Variants in CAVIN4 observed in about 807,000 individuals in gnomAD.
CAVIN4 encodes the protein caveolae associated protein 4.
A neutral mutation model predicts 18.6 loss-of-function variants in CAVIN4; 10 were observed. The observed-to-expected ratio is 0.54, with a 90% CI of 0.33 to 0.91. The LOEUF (loss-of-function observed/expected upper bound fraction) is 0.91. Among genes scored for constraint, CAVIN4 ranks in the 40% least tolerant of loss-of-function variants. CAVIN4 has a pLI of 0.02. For synonymous variants in CAVIN4, 173 were observed against 164.8 expected (o/e 1.05, Z -0.38); for missense variants, 459 against 440.5 (o/e 1.04, Z -0.38).
Position 100,578,602 on chromosome 9 carries a change from T to A in CAVIN4, c.408+51T>A, listed in dbSNP as rs750489361. On this transcript the variant is annotated intron_variant, in intron 1 of 1. Coordinates refer to ENST00000307584, the MANE Select transcript of CAVIN4 (RefSeq NM_001018116.2). ...GCTTGTTCTAATCTCTTGCATCTTTTAATTGCCAAAAGTCATATCAGAGGT... is the reference window on the plus strand; with the variant it reads ...GCTTGTTCTAATCTCTTGCATCTTTAAATTGCCAAAAGTCATATCAGAGGT... 7.6e-6 allele frequency: 12 copies of A among 1,575,276 alleles called. No homozygotes were observed. In the Admixed American group the frequency reaches 2.0e-4, roughly 26 times the overall value.
At chr9:100,582,684 C>G (rs1041400163) in intron 1 of CAVIN4, among the ~76,000 whole-genome samples, 2 of 152,214 alleles carry the variant, frequency 1.3e-5, no homozygotes, top group Non-Finnish European at 2.9e-5. Context: ...GGTTACTCCT[C>G]TCTTTGGGAG....
chr9:100,586,160 T>G lies in CAVIN4; in HGVS notation c.804T>G (p.Ala268=), dbSNP rs1270564036. 2 of 1,566,708 alleles carry G rather than the reference T, an allele frequency of 1.3e-6. No homozygotes were observed. ...CTAATGCAGCTCCCTCAAAGGAAGC[T>G]TTTAAGATGCGCAGCCTCAGGAAAG... ...SISNAAPSKE[A]FKMRSLRKGK... is the part of the protein sequence containing the mutation. The change falls in exon 2 of 2, where the codon GCT becomes GCG. Residue 268 remains alanine, a synonymous_variant. Transcript: ENST00000307584.
intron 1 of CAVIN4, among the ~76,000 whole-genome samples, chr9:100,583,893 C>T (rs1839452044): frequency 6.6e-6 from 1 of 152,208 alleles, no homozygotes; most frequent in Non-Finnish European, 1.5e-5. Context: ...GATCCCCCTG[C>T]CTCGGCCTTC....
chr9:100,584,335 C>T (rs988609493), intron 1 of CAVIN4, among the ~76,000 whole-genome samples: 1 of 152,114 alleles, frequency 6.6e-6, no homozygotes. Context: ...CTTTTGTCTT[C>T]AAAGAAGCTT....
intron 1 of CAVIN4, among the ~76,000 whole-genome samples, chr9:100,580,775 C>A (rs955637770): frequency 1.3e-5 from 2 of 152,128 alleles, no homozygotes; most frequent in Non-Finnish European, 1.5e-5. Context: ...TTAAGTTGTT[C>A]AGAGTAGCAG....
At chr9:100,580,082 A>C (rs1839412099) in intron 1 of CAVIN4, among the ~76,000 whole-genome samples, 1 of 146,000 alleles carries the variant, frequency 6.8e-6, no homozygotes, top group Non-Finnish European at 1.5e-5. Context: ...TAGGCTTAAA[A>C]ATTTGGGAAA....
At chr9:100,578,061 G>A (rs1280500483), upstream of CAVIN4, 15 of 1,428,830 alleles carry the variant, frequency 1.0e-5, no homozygotes, top group East Asian at 2.7e-4. Flanking sequence ...AAACAACCCT[G>A]TTGCCTGTTA....
upstream of CAVIN4, chr9:100,577,971 A>G: frequency 1.6e-6 from 1 of 612,576 alleles, no homozygotes. Flanking sequence ...GCAAGGGTTC[A>G]GATTGCAGAA....
At chr9:100,584,799 T>C (rs1159668052) in intron 1 of CAVIN4, among the ~76,000 whole-genome samples, 1 of 152,178 alleles carries the variant, frequency 6.6e-6, no homozygotes, top group East Asian at 1.9e-4. Flanking sequence ...GGGGATTCCT[T>C]GAGTCTCGCA....
intron 1 of CAVIN4, among the ~76,000 whole-genome samples, chr9:100,578,761 A>G (rs1839398555): frequency 6.6e-6 from 1 of 152,218 alleles, no homozygotes; most frequent in Admixed American, 6.5e-5. Flanking sequence ...CTTCTCAACC[A>G]TTTCATGTAA....
chr9:100,578,438 C>A lies in CAVIN4; in HGVS notation c.295C>A (p.His99Asn). The change falls in exon 1 of 2, where the codon CAC becomes AAC. Residue 99 changes from histidine (H) to asparagine (N), a missense_variant. His to Asn is a moderately conservative substitution (Grantham distance 68). Coordinates refer to ENST00000307584, the MANE Select transcript of CAVIN4 (RefSeq NM_001018116.2). ...LFEKTRKVSA[H>N]IKDVKARVEK... is the part of the protein sequence containing the mutation. Reference sequence around the variant, plus strand: ...TGAGAAAACCCGAAAAGTTAGTGCTCACATTAAAGATGTGAAAGCCCGGGT... The same window carrying A: ...TGAGAAAACCCGAAAAGTTAGTGCTAACATTAAAGATGTGAAAGCCCGGGT... 6.2e-7 allele frequency: 1 copy of A among 1,614,026 alleles called. No homozygotes were observed. Among genetic ancestry groups the A allele is most frequent in the South Asian group, 1.1e-5 (1 of 91,070 alleles).
At chr9:100,580,035 A>G (rs1320946136) in intron 1 of CAVIN4, among the ~76,000 whole-genome samples, 1 of 150,364 alleles carries the variant, frequency 6.7e-6, no homozygotes, top group Non-Finnish European at 1.5e-5. Flanking sequence ...GTTCTTTATC[A>G]TTTCCCTTTC....
At chr9:100,582,066 T>C (rs1267180735) in intron 1 of CAVIN4, among the ~76,000 whole-genome samples, 1 of 152,224 alleles carries the variant, frequency 6.6e-6, no homozygotes, top group Non-Finnish European at 1.5e-5. Flanking sequence ...AAATGTGTTT[T>C]GTATATATTT....
At chr9:100,582,208 C>G (rs1839436672) in intron 1 of CAVIN4, among the ~76,000 whole-genome samples, 1 of 152,156 alleles carries the variant, frequency 6.6e-6, no homozygotes, top group Admixed American at 6.5e-5. Context: ...TTGAGAAATG[C>G]TCCCTATTCA....
intron 1 of CAVIN4, 84 bp downstream of exon 1, chr9:100,578,635 GTCACATC>G: frequency 7.6e-7 from 1 of 1,312,462 alleles, no homozygotes; most frequent in Non-Finnish European, 1.1e-6. Flanking sequence ...GGTTTCCAGT[GTCACATC>G]TTAACTATTG....
At chr9:100,578,064 G>T, upstream of CAVIN4, 1 of 1,449,276 alleles carries the variant, frequency 6.9e-7, no homozygotes. Context: ...CAACCCTGTT[G>T]CCTGTTATCA....
At position 100,586,028 on chromosome 9, in the gene CAVIN4, A is replaced by AAT; in HGVS notation, c.674_675dup (p.Val226Ter). ...AGAAAGTGAACAGAATTAGAACTAG[A>AAT]ATAGTGACCCCGGAGAGGAGAGAGA... On this transcript the variant is annotated frameshift_variant, in exon 2 of 2. Coordinates refer to ENST00000307584, the MANE Select transcript of CAVIN4 (RefSeq NM_001018116.2). The AAT allele has an allele frequency of 6.2e-7, 1 of 1,614,190 alleles. No individual in the cohort carries two copies. Among genetic ancestry groups the AAT allele is most frequent in the East Asian group, 2.2e-5 (1 of 44,894 alleles).
rs1242623317 is a variant in CAVIN4, at chr9:100,586,458, A to G, written c.*7A>G. 1 of 1,606,996 alleles carries G rather than the reference A, an allele frequency of 6.2e-7. No homozygotes were observed. The highest frequency in any genetic ancestry group is 8.5e-7 in the Non-Finnish European group (1 of 1,176,120). ...TTTAAAGCACTCATCGTAAAGAGGAATTAAGTATATCCTAAATATGAATCT... is the reference window on the plus strand; with the variant it reads ...TTTAAAGCACTCATCGTAAAGAGGAGTTAAGTATATCCTAAATATGAATCT... On this transcript the variant is annotated 3_prime_UTR_variant, in exon 2 of 2. Transcript: ENST00000307584.
rs972125364 is a variant in CAVIN4 at position 100,587,132 on chromosome 9, C to G, written c.*681C>G. 6 of 152,172 alleles carry G rather than the reference C, an allele frequency of 3.9e-5. No individual in the cohort carries two copies. The highest frequency in any genetic ancestry group is 5.9e-5 in the Non-Finnish European group (4 of 68,046). The allele number at this position is 152,172 out of a possible 1,614,324, so 9.4% of individuals were successfully genotyped here. On this transcript the variant is annotated 3_prime_UTR_variant, in exon 2 of 2. Transcript: ENST00000307584. ...AAGAGTTACACCTTCTGAAAAAGCCCTCAGCACCAATCAATAAGGTCCTAG... is the reference window on the plus strand; with the variant it reads ...AAGAGTTACACCTTCTGAAAAAGCCGTCAGCACCAATCAATAAGGTCCTAG...
Sources: allele counts gnomAD v4.1 joint callset (sites outside exome capture counted in the v4.1 genomes callset), GRCh38; gene constraint gnomAD v4.1.1; transcripts MANE v1.5; gene names NCBI Gene and HGNC (gene_info 2026-07-23, HGNC 2026-07-21).